TMEM132D: variants seen among roughly 807,000 people sequenced by gnomAD.
TMEM132D encodes mature OL transmembrane protein.
Under a neutral mutation model 62.3 loss-of-function variants are expected in TMEM132D, and 21 were observed. The observed-to-expected ratio is 0.34, with a 90% CI of 0.24 to 0.49. TMEM132D has a LOEUF of 0.49. TMEM132D is among the 20% of genes least tolerant of loss of function. The pLI is 0.99. For missense variants in TMEM132D, 1,346 were observed against 1,402.8 expected (o/e 0.96, Z 0.65); for synonymous variants, 621 against 575.6 (o/e 1.08, Z -1.13).
intron 3 of TMEM132D, among the ~76,000 whole-genome samples, chr12:129,508,114 T>G (rs1453946859): frequency 1.8e-4 from 28 of 152,174 alleles, no homozygotes. Flanking sequence ...CAGCTGGCAG[T>G]TATGATGGAA....
chr12:129,366,673 G>A (rs1355828034), intron 3 of TMEM132D, among the ~76,000 whole-genome samples: 2 of 152,246 alleles, frequency 1.3e-5, no homozygotes, highest in South Asian at 2.1e-4. Context: ...GTCCTAAGAC[G>A]TGATTTGACA....
At chr12:129,156,328 T>C (rs148113821) in intron 5 of TMEM132D, among the ~76,000 whole-genome samples, 3 of 150,448 alleles carry the variant, frequency 2.0e-5, no homozygotes, top group East Asian at 4.0e-4. Flanking sequence ...AAAATGAACA[T>C]ACTCCCATGA....
intron 4 of TMEM132D, among the ~76,000 whole-genome samples, chr12:129,295,027 A>C (rs151142549): frequency 3.0e-4 from 46 of 152,122 alleles, no homozygotes; most frequent in African/African-American, 1.1e-3. Flanking sequence ...ACTTTGAGTA[A>C]AGCAAATTGC....
intron 2 of TMEM132D, among the ~76,000 whole-genome samples, chr12:129,695,683 T>C (rs1305691136): frequency 6.6e-6 from 1 of 152,260 alleles, no homozygotes; most frequent in Non-Finnish European, 1.5e-5. Flanking sequence ...AAGCTGCATC[T>C]GGTCCCTCTC....
intron 2 of TMEM132D, among the ~76,000 whole-genome samples, chr12:129,594,689 G>T (rs962750696): frequency 6.6e-6 from 1 of 152,078 alleles, no homozygotes; most frequent in Non-Finnish European, 1.5e-5. Flanking sequence ...CTCAGTACTG[G>T]GCACTTTGCC....
chr12:129,525,533 T>C (rs1876004450), intron 3 of TMEM132D, among the ~76,000 whole-genome samples: 1 of 152,164 alleles, frequency 6.6e-6, no homozygotes, highest in South Asian at 2.1e-4. Flanking sequence ...CTGCATATAC[T>C]ACATGGGTGC....
At chr12:129,390,183 T>C (rs1460480118) in intron 3 of TMEM132D, among the ~76,000 whole-genome samples, 1 of 152,240 alleles carries the variant, frequency 6.6e-6, no homozygotes, top group Non-Finnish European at 1.5e-5. Context: ...CACCAGTGGC[T>C]GACTGACCTT....
intron 3 of TMEM132D, among the ~76,000 whole-genome samples, chr12:129,472,365 A>G (rs951182946): frequency 7.2e-5 from 11 of 152,168 alleles, no homozygotes; most frequent in African/African-American, 2.7e-4. Flanking sequence ...GTTCTCACTC[A>G]TAAGTGGGAG....
At chr12:129,869,147 C>A (rs927276316) in intron 1 of TMEM132D, among the ~76,000 whole-genome samples, 2 of 151,924 alleles carry the variant, frequency 1.3e-5, no homozygotes, top group African/African-American at 4.8e-5. Flanking sequence ...TTGTCTTATG[C>A]CCAGCTGATT....
intron 5 of TMEM132D, among the ~76,000 whole-genome samples, chr12:129,089,530 G>A (rs1318290891): frequency 8.1e-6 from 1 of 123,686 alleles, no homozygotes; most frequent in Non-Finnish European, 1.6e-5. Flanking sequence ...CTCCATGACC[G>A]GGTGTCCTCC....
intron 1 of TMEM132D, among the ~76,000 whole-genome samples, chr12:129,778,982 T>C (rs952757042): frequency 6.6e-6 from 1 of 152,206 alleles, no homozygotes; most frequent in African/African-American, 2.4e-5. Context: ...AAAGTTTCTT[T>C]CTCTCTCACG....
chr12:129,380,274 AG>A lies in TMEM132D; in HGVS notation c.1116-42458del, dbSNP rs550892159. ...GAATTCACTTAGCAGGCAAACGTCT[AG>A]AAAAAAAACTTCCATTTATTATAGG... On this transcript the variant is annotated intron_variant, in intron 3 of 8. Transcript: ENST00000422113. Among the ~76,000 whole-genome samples, 13 of 152,324 alleles carry A rather than the reference AG, an allele frequency of 8.5e-5. 1 individual carries two copies. Among genetic ancestry groups the A allele is most frequent in the Middle Eastern group, 6.8e-3 (2 of 294 alleles).
chr12:129,385,123 T>C (rs1051284021), intron 3 of TMEM132D, among the ~76,000 whole-genome samples: 2 of 144,598 alleles, frequency 1.4e-5, no homozygotes, highest in African/African-American at 5.2e-5. Context: ...AGACGTCGTT[T>C]TGCTCTTGTC....
At chr12:129,355,096 T>A (rs976735632) in intron 3 of TMEM132D, among the ~76,000 whole-genome samples, 1 of 152,234 alleles carries the variant, frequency 6.6e-6, no homozygotes, top group Non-Finnish European at 1.5e-5. Context: ...TTAAGTCCGA[T>A]ACTGTGTCTA....
At chr12:129,413,393 C>G (rs767524276) in intron 3 of TMEM132D, among the ~76,000 whole-genome samples, 1 of 152,152 alleles carries the variant, frequency 6.6e-6, no homozygotes, top group Non-Finnish European at 1.5e-5. Context: ...TGAGACCTCC[C>G]CAGCCATGTG....
intron 3 of TMEM132D, among the ~76,000 whole-genome samples, chr12:129,403,013 C>T (rs988660767): frequency 6.6e-6 from 1 of 152,018 alleles, no homozygotes; most frequent in African/African-American, 2.4e-5. Context: ...CTGCCACGGG[C>T]CACTGAAGAA....
At chr12:129,514,413 T>C (rs999279009) in intron 3 of TMEM132D, among the ~76,000 whole-genome samples, 44 of 152,210 alleles carry the variant, frequency 2.9e-4, no homozygotes, top group African/African-American at 1.0e-3. Flanking sequence ...AACTGTAGTG[T>C]TCCTACTGAT....
chr12:129,615,428 A>T (rs549259741), intron 2 of TMEM132D, among the ~76,000 whole-genome samples: 21 of 151,646 alleles, frequency 1.4e-4, no homozygotes, highest in Non-Finnish European at 2.5e-4. Context: ...CTTAATTTAT[A>T]ATTACATTTA....
chr12:129,290,119 G>C lies in TMEM132D; in HGVS notation c.1299+47515C>G, dbSNP rs189747928. Among the ~76,000 whole-genome samples the C allele has an allele frequency of 2.2e-3, 333 of 152,272 alleles. 2 individuals carry two copies. The highest frequency in any genetic ancestry group is 7.7e-3 in the African/African-American group (321 of 41,552). On this transcript the variant is annotated intron_variant, in intron 4 of 8. Transcript: ENST00000422113. The stretch of plus-strand genomic sequence containing the variant: ...GGGAAGCTTAGTAAAGGACCTCTGA[G>C]AACTCTACTATTTTTGAGACATATA...
Sources: allele counts gnomAD v4.1 joint callset (sites outside exome capture counted in the v4.1 genomes callset), GRCh38; gene constraint gnomAD v4.1.1; transcripts MANE v1.5; gene names NCBI Gene and HGNC (gene_info 2026-07-23, HGNC 2026-07-21).